The following TNFRSF8 variants were observed in gnomAD, a reference collection of about 807,000 sequenced individuals.
The protein encoded by TNFRSF8 is TNF receptor superfamily member 8.
In TNFRSF8, 26 loss-of-function variants were observed where a neutral mutation model predicts 70.8. That is an observed-to-expected ratio of 0.37 (90% confidence interval 0.27 to 0.51). The LOEUF (loss-of-function observed/expected upper bound fraction) is 0.51. TNFRSF8 is among the 20% of genes least tolerant of loss of function. TNFRSF8 has a pLI of 0.94. For synonymous variants in TNFRSF8, 356 were observed against 339.2 expected, an observed-to-expected ratio of 1.05 and a Z score of -0.54; for missense variants, 720 against 807.9, an observed-to-expected ratio of 0.89 and a Z score of 1.32.
At chr1:12,124,343 AT>A (rs1446703137) in intron 10 of TNFRSF8, among the ~76,000 whole-genome samples, 3 of 152,032 alleles carry the variant, frequency 2.0e-5, no homozygotes, top group Non-Finnish European at 4.4e-5. Flanking sequence ...GTAGGCAGGA[AT>A]TTTTTTCACA....
chr1:12,068,261 G>A (rs922101740), intron 1 of TNFRSF8, among the ~76,000 whole-genome samples: 6 of 152,172 alleles, frequency 3.9e-5, no homozygotes, highest in Non-Finnish European at 7.4e-5. Flanking sequence ...GGCAATGACA[G>A]TAGATCAGCC....
In TNFRSF8 at chr1:12,135,618, GT is replaced by G; in HGVS notation, c.1335+6del. 6.2e-7 allele frequency: 1 copy of G among 1,614,102 alleles called. No homozygotes were observed. The highest frequency in any genetic ancestry group is 8.5e-7 in the Non-Finnish European group (1 of 1,179,994). The stretch of plus-strand genomic sequence containing the variant: ...AGACCCAGGAGGAGCTCAACGGTAA[GT>G]ACCCCTCCCTTGCCCCCACCTCAGC... On this transcript the variant is annotated splice_donor_region_variant and intron_variant, in intron 13 of 14. Coordinates refer to ENST00000263932, the MANE Select transcript of TNFRSF8 (RefSeq NM_001243.5).
chr1:12,111,557 C>T (rs1320020513), intron 6 of TNFRSF8, among the ~76,000 whole-genome samples: 2 of 152,122 alleles, frequency 1.3e-5, no homozygotes, highest in Admixed American at 6.5e-5. Context: ...ACAGGAGTTA[C>T]GCTAGTGTGC....
chr1:12,094,273 C>T (rs1216923869), intron 2 of TNFRSF8, among the ~76,000 whole-genome samples: 4 of 152,118 alleles, frequency 2.6e-5, no homozygotes, highest in Non-Finnish European at 4.4e-5. Flanking sequence ...ACGACCAAGG[C>T]TCTGAGACAG....
chr1:12,103,581 C>T (rs1032274043), intron 3 of TNFRSF8, among the ~76,000 whole-genome samples: 7 of 152,150 alleles, frequency 4.6e-5, no homozygotes, highest in African/African-American at 9.6e-5. Flanking sequence ...GCGATCCTCC[C>T]GCCTCAGCCT....
chr1:12,137,431 A>G (rs1642166559), intron 13 of TNFRSF8, among the ~76,000 whole-genome samples: 1 of 152,010 alleles, frequency 6.6e-6, no homozygotes, highest in Admixed American at 6.6e-5. Flanking sequence ...CCTCTGAATT[A>G]CTCACACTCA....
chr1:12,127,895 C>T (rs1447191158), intron 12 of TNFRSF8, among the ~76,000 whole-genome samples: 1 of 152,192 alleles, frequency 6.6e-6, no homozygotes, highest in African/African-American at 2.4e-5. Context: ...GCCAGGTCTA[C>T]AAAGAACTGA....
At chr1:12,087,069 C>T (rs1025318900) in intron 2 of TNFRSF8, among the ~76,000 whole-genome samples, 17 of 126,998 alleles carry the variant, frequency 1.3e-4, no homozygotes, top group African/African-American at 5.3e-4. Flanking sequence ...TCTCATCTAC[C>T]TTTCTATCCA....
intron 1 of TNFRSF8, among the ~76,000 whole-genome samples, chr1:12,071,778 G>A (rs566783741): frequency 1.3e-5 from 2 of 152,232 alleles, no homozygotes; most frequent in East Asian, 1.9e-4. Context: ...GGCCAGGCTG[G>A]CCTCGAACTC....
At chr1:12,133,529 C>T (rs865891196) in intron 12 of TNFRSF8, among the ~76,000 whole-genome samples, 69 of 149,618 alleles carry the variant, frequency 4.6e-4, no homozygotes, top group African/African-American at 1.6e-3. Flanking sequence ...ATCACGAGGT[C>T]AAGAGATCGA....
chr1:12,123,842 C>CTG lies in TNFRSF8; in HGVS notation c.1153+15_1153+16insTG. Reference sequence around the variant, plus strand: ...TCTGGATGCAGGTAATGGTCCCAGCCCACTCACCCCTACTCCCAGCAGGGG... The same window carrying CTG: ...TCTGGATGCAGGTAATGGTCCCAGCCTGCACTCACCCCTACTCCCAGCAGGGG... On this transcript the variant is annotated intron_variant, in intron 10 of 14. Transcript: ENST00000263932. 1.3e-6 allele frequency: 2 copies of CTG among 1,548,744 alleles called. No homozygotes were observed. Among genetic ancestry groups the CTG allele is most frequent in the South Asian group, 2.4e-5 (2 of 84,130 alleles).
Position 12,112,415 on chromosome 1 carries a change from G to A in TNFRSF8, c.793+401G>A, listed in dbSNP as rs1208135956. On this transcript the variant is annotated intron_variant, in intron 7 of 14. Transcript: ENST00000263932. This position sits in a 1 kb window ranked among gnomAD's most constrained non-coding sequence, Gnocchi z 5.3. ...TTCTTTTTTTTTTTTTCCCAGACAG[G>A]GTCTCACTCCTTCACCCAAGCTGCA... Among the ~76,000 whole-genome samples the A allele has an allele frequency of 6.6e-6, 1 of 151,092 alleles. No individual in the cohort carries two copies. The highest frequency in any genetic ancestry group is 2.4e-5 in the African/African-American group (1 of 41,066).
Position 12,112,742 on chromosome 1 carries a change from G to A in TNFRSF8, c.793+728G>A, listed in dbSNP as rs183958988. Among the ~76,000 whole-genome samples, 3 of 152,294 alleles carry A rather than the reference G, an allele frequency of 2.0e-5. No individual in the cohort carries two copies. In the East Asian group the frequency reaches 5.8e-4, roughly 29 times the overall value. Reference sequence around the variant, plus strand: ...CTTACTGAGTGCACAGACACAGCACGATGCAGGTGTGGGGCTTCCCTGTGC... The same window carrying A: ...CTTACTGAGTGCACAGACACAGCACAATGCAGGTGTGGGGCTTCCCTGTGC... On this transcript the variant is annotated intron_variant, in intron 7 of 14. Coordinates refer to ENST00000263932, the MANE Select transcript of TNFRSF8 (RefSeq NM_001243.5). The surrounding 1 kb of genome is among the most constrained non-coding windows in gnomAD (Gnocchi z 5.3).
chr1:12,106,555 A>G (rs1641527579), intron 4 of TNFRSF8, among the ~76,000 whole-genome samples: 1 of 152,148 alleles, frequency 6.6e-6, no homozygotes, highest in Non-Finnish European at 1.5e-5. Context: ...CCACTGCCTG[A>G]TCAAATGCTA....
At chr1:12,106,885 A>C (rs1641534509) in intron 4 of TNFRSF8, among the ~76,000 whole-genome samples, 1 of 152,252 alleles carries the variant, frequency 6.6e-6, no homozygotes. Flanking sequence ...CAAAAAGGCC[A>C]AACTTCCCAA....
At chr1:12,124,467 A>G (rs898893251) in intron 10 of TNFRSF8, among the ~76,000 whole-genome samples, 1 of 152,172 alleles carries the variant, frequency 6.6e-6, no homozygotes, top group Non-Finnish European at 1.5e-5. Flanking sequence ...CATCTATACA[A>G]TGGTAATGGC....
intron 8 of TNFRSF8, among the ~76,000 whole-genome samples, chr1:12,121,312 T>C (rs1383907704): frequency 6.6e-6 from 1 of 152,212 alleles, no homozygotes. Flanking sequence ...TTTACTTTTT[T>C]GTCTATTTGA....
rs1263344057 is a variant in TNFRSF8 at position 12,141,374 on chromosome 1, A to G, written c.1544-913A>G. ...TCCCCACTCCCCAGCTCCTCGGGCC[A>G]CTGAACCTGAGCCCCCATGTCCCCT... On this transcript the variant is annotated intron_variant, in intron 14 of 14. Coordinates refer to ENST00000263932, the MANE Select transcript of TNFRSF8 (RefSeq NM_001243.5). The surrounding 1 kb of genome is among the most constrained non-coding windows in gnomAD (Gnocchi z 5.4). Among the ~76,000 whole-genome samples the G allele has an allele frequency of 6.6e-6, 1 of 152,122 alleles. No individual in the cohort carries two copies. Among genetic ancestry groups the G allele is most frequent in the Non-Finnish European group, 1.5e-5 (1 of 68,010 alleles).
chr1:12,124,975 C>T (rs1311862212), intron 10 of TNFRSF8, among the ~76,000 whole-genome samples: 1 of 152,150 alleles, frequency 6.6e-6, no homozygotes, highest in African/African-American at 2.4e-5. Context: ...GGCAGTAGTG[C>T]TCCGGCCAGA....
Sources: allele counts gnomAD v4.1 joint callset (sites outside exome capture counted in the v4.1 genomes callset), GRCh38; gene constraint gnomAD v4.1.1; non-coding constraint Gnocchi (gnomAD v3.1); transcripts MANE v1.5; gene names NCBI Gene and HGNC (gene_info 2026-07-23, HGNC 2026-07-21).